The following TBC1D1 variants were observed in gnomAD, a reference collection of about 807,000 sequenced individuals.
TBC1D1 encodes the protein TBC1 (tre-2/USP6, BUB2, cdc16) domain family, member 1.
A neutral mutation model predicts 125.6 loss-of-function variants in TBC1D1; 89 were observed. The ratio of observed to expected loss-of-function variants is 0.71; its 90% CI spans 0.60 to 0.85. TBC1D1 has a LOEUF of 0.85. TBC1D1 is among the 40% of genes least tolerant of loss of function. The pLI is 0.00. For synonymous variants in TBC1D1, 565 were observed against 564.1 expected, an observed-to-expected ratio of 1.00 and a Z score of -0.02; for missense variants, 1,377 against 1,469.2, an observed-to-expected ratio of 0.94 and a Z score of 1.03.
intron 12 of TBC1D1, among the ~76,000 whole-genome samples, chr4:38,058,766 A>G (rs1301081350): frequency 3.3e-5 from 5 of 152,136 alleles, no homozygotes. Flanking sequence ...TACAAAAACC[A>G]TGGTGTTTGC....
chr4:38,136,987 G>A (rs976511726), intron 19 of TBC1D1, 148 bp from the exon 22 acceptor site: 1 of 1,328,010 alleles, frequency 7.5e-7, no homozygotes, highest in South Asian at 1.4e-5. Context: ...TTGCCTTCCT[G>A]TGTGGCCAGA....
intron 2 of TBC1D1, among the ~76,000 whole-genome samples, chr4:37,950,266 T>A (rs1727554872): frequency 6.6e-6 from 1 of 152,164 alleles, no homozygotes; most frequent in Admixed American, 6.5e-5. Context: ...TCCTCATCTG[T>A]AAAATGGGTA....
At chr4:38,044,603 C>T in intron 9 of TBC1D1, 113 bp downstream of exon 9, 1 of 1,153,936 alleles carries the variant, frequency 8.7e-7, no homozygotes, top group Non-Finnish European at 1.2e-6. Flanking sequence ...AAGTATAAAA[C>T]CTTTTTTTAT....
At chr4:38,135,870 A>ATATATGTGTGTGTGTGTG (rs1766440343) in intron 19 of TBC1D1, among the ~76,000 whole-genome samples, 1 of 147,700 alleles carries the variant, frequency 6.8e-6, no homozygotes, top group Admixed American at 6.7e-5. Context: ...GTGTGTATAT[A>ATATATGTGTGTGTGTGTG]TATGTGTGTG....
intron 12 of TBC1D1, among the ~76,000 whole-genome samples, chr4:38,072,342 A>G (rs1238623871): frequency 6.6e-6 from 1 of 152,144 alleles, no homozygotes; most frequent in South Asian, 2.1e-4. Flanking sequence ...GCCCACCCAC[A>G]TTTTCTGAGA....
At chr4:37,895,378 A>G (rs1264935915) in intron 1 of TBC1D1, among the ~76,000 whole-genome samples, 1 of 152,178 alleles carries the variant, frequency 6.6e-6, no homozygotes, top group Admixed American at 6.6e-5. Flanking sequence ...AATGAAGAGT[A>G]TAAGAAGTGA....
At chr4:37,960,713 G>C (rs200727508) in intron 2 of TBC1D1, 1 of 1,614,044 alleles carries the variant, frequency 6.2e-7, no homozygotes, top group African/African-American at 1.3e-5. Context: ...CCAAAAAGAT[G>C]ACCGAGAAGA....
At chr4:38,053,073 T>A (rs1406411707) in intron 11 of TBC1D1, 33 bp from the exon 13 acceptor site, 7 of 1,341,068 alleles carry the variant, frequency 5.2e-6, no homozygotes, top group Non-Finnish European at 6.8e-6. Flanking sequence ...TATGTTTCTT[T>A]ATCCTAAACT....
intron 2 of TBC1D1, among the ~76,000 whole-genome samples, chr4:37,911,058 T>C (rs1718493072): frequency 6.6e-6 from 1 of 151,528 alleles, no homozygotes; most frequent in African/African-American, 2.4e-5. Context: ...TGGACTAGAC[T>C]AGCTTCCTAA....
chr4:38,049,479 T>C, intron 10 of TBC1D1, 139 bp from the exon 11 acceptor site: 1 of 992,442 alleles, frequency 1.0e-6, no homozygotes, highest in Non-Finnish European at 1.5e-6. Context: ...TTCTTCTGCT[T>C]TTGGTGGTGG....
chr4:37,911,131 CTTTTTTTTTTTTT>C (rs71658745), intron 2 of TBC1D1, among the ~76,000 whole-genome samples: 2 of 94,888 alleles, frequency 2.1e-5, no homozygotes, highest in Non-Finnish European at 4.1e-5. Context: ...TCCCCTCCTC[CTTTTTTTTTTTTT>C]TTTTTTTTTT....
At chr4:38,068,929 G>C (rs1364107839) in intron 12 of TBC1D1, among the ~76,000 whole-genome samples, 6 of 152,208 alleles carry the variant, frequency 3.9e-5, no homozygotes, top group African/African-American at 1.4e-4. Flanking sequence ...AGCCTTCAGG[G>C]TGGTGCTTGT....
intron 2 of TBC1D1, among the ~76,000 whole-genome samples, chr4:38,009,944 C>G (rs16994140): frequency 6.6e-6 from 1 of 151,966 alleles, no homozygotes; most frequent in Admixed American, 6.6e-5. Context: ...TGATTTACTT[C>G]GTCTGCAAAC....
intron 8 of TBC1D1, among the ~76,000 whole-genome samples, chr4:38,039,082 T>G (rs1289347451): frequency 1.3e-5 from 2 of 149,462 alleles, no homozygotes; most frequent in East Asian, 4.0e-4. Context: ...GTTCTGGAAT[T>G]TCTTATAAAT....
At chr4:37,934,239 G>C (rs1020653028) in intron 2 of TBC1D1, among the ~76,000 whole-genome samples, 5 of 152,110 alleles carry the variant, frequency 3.3e-5, no homozygotes, top group Non-Finnish European at 7.4e-5. Flanking sequence ...TGTCCATCTG[G>C]GGCGACATCC....
rs769381986 is a variant in TBC1D1 at position 38,133,224 on chromosome 4, C to G, written c.3273C>G (p.Arg1091=). Residue 1091 remains arginine, a synonymous_variant, in exon 19 of 20, where the codon CGC becomes CGG. Coordinates refer to ENST00000261439, the MANE Select transcript of TBC1D1 (RefSeq NM_015173.4). ...TAGAGAAAACCAACAGCAGCTTACGCAAACAGAACCTTGACCTCCTTGAAC... is the reference window on the plus strand; with the variant it reads ...TAGAGAAAACCAACAGCAGCTTACGGAAACAGAACCTTGACCTCCTTGAAC... 1.2e-6 allele frequency: 2 copies of G among 1,614,022 alleles called. No individual in the cohort carries two copies. The highest frequency in any genetic ancestry group is 2.7e-5 in the African/African-American group (2 of 74,932).
chr4:38,116,835 A>G (rs532191408), intron 16 of TBC1D1, among the ~76,000 whole-genome samples: 10 of 152,340 alleles, frequency 6.6e-5, no homozygotes, highest in Middle Eastern at 3.4e-3. Flanking sequence ...TCAGAGCTCT[A>G]GAGAGTATCC....
At chr4:37,966,036 C>T (rs1002661860) in intron 2 of TBC1D1, among the ~76,000 whole-genome samples, 13 of 152,040 alleles carry the variant, frequency 8.6e-5, no homozygotes, top group African/African-American at 1.4e-4. Context: ...TGTGAGCCAT[C>T]GCCCCTGGCC....
At chr4:38,036,729 G>A (rs1306270554) in intron 8 of TBC1D1, among the ~76,000 whole-genome samples, 1 of 152,218 alleles carries the variant, frequency 6.6e-6, no homozygotes, top group East Asian at 1.9e-4. Context: ...GGTGTACAGT[G>A]TCAGCCACGG....
Sources: allele counts gnomAD v4.1 joint callset (sites outside exome capture counted in the v4.1 genomes callset), GRCh38; gene constraint gnomAD v4.1.1; transcripts MANE v1.5; gene names NCBI Gene and HGNC (gene_info 2026-07-23, HGNC 2026-07-21).